Variants in NCAN observed in about 807,000 individuals in gnomAD.
NCAN encodes the protein neurocan core protein.
A neutral mutation model predicts 121.8 loss-of-function variants in NCAN; 47 were observed. The observed-to-expected ratio is 0.39, with a 90% CI of 0.31 to 0.49. NCAN has a LOEUF of 0.49. NCAN is among the 20% of genes least tolerant of loss of function. The pLI is 0.92. For missense variants in NCAN, 1,517 were observed against 1,773.4 expected, an observed-to-expected ratio of 0.86 and a Z score of 2.60; for synonymous variants, 633 against 702.0, an observed-to-expected ratio of 0.90 and a Z score of 1.55.
intron 13 of NCAN, among the ~76,000 whole-genome samples, chr19:19,247,678 G>C (rs2060929552): frequency 6.6e-6 from 1 of 152,082 alleles, no homozygotes; most frequent in African/African-American, 2.4e-5. Context: ...GGCCTGAGCT[G>C]CCGCACCCGG....
At chr19:19,249,001 G>A in intron 14 of NCAN, 119 bp downstream of exon 14, 2 of 1,084,998 alleles carry the variant, frequency 1.8e-6, no homozygotes, top group Non-Finnish European at 2.7e-6. Flanking sequence ...ATACAGCCTT[G>A]CAGATAAGTG....
chr19:19,247,346 C>T lies in NCAN; in HGVS notation c.3638-1354C>T, dbSNP rs375974331. ...TCGGCTCACTACAAGCTCCGCCTCC[C>T]GGGTTCACGCCATTCTCCTGCCTTG... On this transcript the variant is annotated intron_variant, in intron 13 of 14. Coordinates refer to ENST00000252575, the MANE Select transcript of NCAN (RefSeq NM_004386.3). Among the ~76,000 whole-genome samples the T allele has an allele frequency of 1.6e-4, 25 of 152,100 alleles. No homozygotes were observed. In the East Asian group the frequency reaches 2.9e-3, roughly 18 times the overall value.
chr19:19,218,264 C>A (rs993018053), intron 2 of NCAN, among the ~76,000 whole-genome samples: 2 of 151,376 alleles, frequency 1.3e-5, no homozygotes, highest in Admixed American at 6.6e-5. Context: ...GGAGATGGAG[C>A]GAGACTCCAT....
rs1253761525 is a variant in NCAN, at chr19:19,250,078, T to A, written c.*167T>A. 2.5e-6 allele frequency: 2 copies of A among 806,778 alleles called. No individual in the cohort carries two copies. The highest frequency in any genetic ancestry group is 3.4e-5 in the African/African-American group (2 of 59,144). The allele number at this position is 806,778 out of a possible 1,614,324, so 50.0% of individuals were successfully genotyped here. A position where few individuals can be genotyped will look rare whatever the true frequency, so the allele number is the denominator to read the frequency against. ...TACAAAGCTCCTCTTTTCCCTTTTTTTACATACACAAGATCCTCTTGGCAG... is the reference window on the plus strand; with the variant it reads ...TACAAAGCTCCTCTTTTCCCTTTTTATACATACACAAGATCCTCTTGGCAG... On this transcript the variant is annotated 3_prime_UTR_variant, in exon 15 of 15. Transcript: ENST00000252575.
At chr19:19,215,111 C>T (rs1053751599) in intron 1 of NCAN, among the ~76,000 whole-genome samples, 1 of 152,090 alleles carries the variant, frequency 6.6e-6, no homozygotes, top group Non-Finnish European at 1.5e-5. Context: ...TTTGCCGCTG[C>T]GTTGCCGCCT....
intron 8 of NCAN, among the ~76,000 whole-genome samples, chr19:19,229,843 T>C (rs1241172039): frequency 1.3e-5 from 2 of 152,124 alleles, no homozygotes; most frequent in East Asian, 3.9e-4. Flanking sequence ...TTTGGGAGGC[T>C]GAGGTGGGAG....
chr19:19,240,524 C>T, intron 11 of NCAN, 79 bp from the exon 12 acceptor site: 1 of 1,412,148 alleles, frequency 7.1e-7, no homozygotes, highest in Non-Finnish European at 1.0e-6. Flanking sequence ...CACACCCTAC[C>T]CCACCTCACC....
chr19:19,240,772 C>T (rs1170678548), intron 12 of NCAN, 87 bp downstream of exon 12: 23 of 1,343,382 alleles, frequency 1.7e-5, no homozygotes, highest in South Asian at 2.4e-5. Flanking sequence ...GCAAAGTTAT[C>T]GCAATTGGGT....
At chr19:19,245,569 C>G in intron 13 of NCAN, 112 bp downstream of exon 13, 1 of 1,307,002 alleles carries the variant, frequency 7.7e-7, no homozygotes, top group Non-Finnish European at 1.0e-6. Flanking sequence ...CCTCCACCGC[C>G]TGGGTTCAAG....
At chr19:19,243,068 C>T (rs1257462219) in intron 12 of NCAN, among the ~76,000 whole-genome samples, 1 of 151,582 alleles carries the variant, frequency 6.6e-6, no homozygotes, top group Non-Finnish European at 1.5e-5. Context: ...GCATAGAAGG[C>T]CAGCTGTTGT....
intron 1 of NCAN, among the ~76,000 whole-genome samples, chr19:19,213,418 A>G (rs147735800): frequency 8.0e-5 from 11 of 137,970 alleles, no homozygotes; most frequent in African/African-American, 3.0e-4. Flanking sequence ...GGCCACAATT[A>G]TCCATCTCGG....
chr19:19,213,508 G>C (rs1054609266), intron 1 of NCAN, among the ~76,000 whole-genome samples: 4 of 147,770 alleles, frequency 2.7e-5, no homozygotes, highest in Non-Finnish European at 6.0e-5. Flanking sequence ...GTTTATGTGG[G>C]GGGGGGGGGG....
chr19:19,228,551 C>G lies in NCAN; in HGVS notation c.2931C>G (p.Ser977Arg). 1 of 1,613,166 alleles carries G rather than the reference C, an allele frequency of 6.2e-7. No individual in the cohort carries two copies. The highest frequency in any genetic ancestry group is 8.5e-7 in the Non-Finnish European group (1 of 1,180,004). The part of the protein sequence containing the change: ...EDFELEVLAG[S>R]PGVESFWEEV... Reference sequence around the variant, plus strand: ...TCGAACTGGAGGTCCTGGCAGGGAGCCCGGGTGTAGAGAGCTTCTGGGAGG... The same window carrying G: ...TCGAACTGGAGGTCCTGGCAGGGAGGCCGGGTGTAGAGAGCTTCTGGGAGG... Residue 977 changes from serine to arginine, a missense_variant, in exon 8 of 15, where the codon AGC becomes AGG. By Grantham distance (110) the Ser-to-Arg change is moderately radical (BLOSUM62 -1). Coordinates refer to ENST00000252575, the MANE Select transcript of NCAN (RefSeq NM_004386.3).
In NCAN at chr19:19,250,272, A is replaced by T; in HGVS notation, c.*361A>T. 3 of 414,472 alleles carry T rather than the reference A, an allele frequency of 7.2e-6. No homozygotes were observed. Among genetic ancestry groups the T allele is most frequent in the Middle Eastern group, 5.9e-4 (1 of 1,684 alleles). 25.7% of individuals were successfully genotyped at this position (414,472 alleles called of 1,614,324 possible). A position where few individuals can be genotyped will look rare whatever the true frequency, so the allele number is the denominator to read the frequency against. On this transcript the variant is annotated 3_prime_UTR_variant, in exon 15 of 15. Transcript: ENST00000252575. ...ATGAGTGTATGTTTGCATTCACATG[A>T]AGGAATTGCTTTTCACACCAGAAAT... is the stretch of plus-strand genomic sequence containing the variant.
chr19:19,231,239 GAC>G (rs1217809948), intron 8 of NCAN, among the ~76,000 whole-genome samples: 2 of 152,036 alleles, frequency 1.3e-5, no homozygotes, highest in African/African-American at 4.8e-5. Flanking sequence ...TAGGGAGACA[GAC>G]ACAGAGAGGT....
At chr19:19,238,834 A>G (rs2060891381) in intron 11 of NCAN, 1 of 289,656 alleles carries the variant, frequency 3.5e-6, no homozygotes, top group African/African-American at 2.2e-5. Context: ...GGGCCAGGAG[A>G]TGGAGGGTGA....
At chr19:19,224,504 A>G in intron 5 of NCAN, 71 bp downstream of exon 5, 1 of 1,553,812 alleles carries the variant, frequency 6.4e-7, no homozygotes, top group Non-Finnish European at 8.7e-7. Context: ...CCCAACTCCC[A>G]TCCTCCGGGG....
chr19:19,245,387 G>A lies in NCAN; in HGVS notation c.3567G>A (p.Ala1189=), dbSNP rs149217870. 1.6e-5 allele frequency: 26 copies of A among 1,614,200 alleles called. No homozygotes were observed. Among genetic ancestry groups the A allele is most frequent in the African/African-American group, 4.0e-5 (3 of 75,048 alleles). The stretch of plus-strand genomic sequence containing the variant: ...GCGAGGACTGTGTGGTGATGGTGGC[G>A]CATGAAAGCGGGCGCTGGAACGATG... ...AGGEDCVVMV[A]HESGRWNDVP... The change falls in exon 13 of 15, where the codon GCG becomes GCA. Residue 1189 remains alanine (A), a synonymous_variant. Transcript: ENST00000252575.
intron 13 of NCAN, among the ~76,000 whole-genome samples, 196 bp downstream of exon 13, chr19:19,245,653 T>A (rs1423742396): frequency 6.6e-6 from 1 of 152,144 alleles, no homozygotes; most frequent in Non-Finnish European, 1.5e-5. Context: ...AATTTTTGTA[T>A]TTTTTGTAGA....
Sources: allele counts gnomAD v4.1 joint callset (sites outside exome capture counted in the v4.1 genomes callset), GRCh38; gene constraint gnomAD v4.1.1; transcripts MANE v1.5; gene names NCBI Gene and HGNC (gene_info 2026-07-23, HGNC 2026-07-21).